The following IRAG1 variants were observed in gnomAD, a reference collection of about 807,000 sequenced individuals.
IRAG1 encodes inositol 1,4,5-triphosphate receptor associated 1, also known as IP3R-associated cGMP kinase substrate.
Under a neutral mutation model 106.2 loss-of-function variants are expected in IRAG1, and 62 were observed. The ratio of observed to expected loss-of-function variants is 0.58; its 90% CI spans 0.48 to 0.72. IRAG1 has a LOEUF of 0.72. Among genes scored for constraint, IRAG1 ranks in the 30% least tolerant of loss-of-function variants. The pLI, the probability that IRAG1 is intolerant of heterozygous loss-of-function variation, is 0.00. For missense variants in IRAG1, 1,064 were observed against 1,140.7 expected, an observed-to-expected ratio of 0.93 and a Z score of 0.97; for synonymous variants, 462 against 443.9, an observed-to-expected ratio of 1.04 and a Z score of -0.51.
At chr11:10,625,541 C>T (rs969537970) in intron 9 of IRAG1, among the ~76,000 whole-genome samples, 1 of 152,062 alleles carries the variant, frequency 6.6e-6, no homozygotes, top group Non-Finnish European at 1.5e-5. Context: ...GGCTTGGGGG[C>T]ATCACAAAGG....
intron 2 of IRAG1, 77 bp from the exon 3 acceptor site, chr11:10,634,148 T>A (rs1856954749): frequency 1.2e-6 from 1 of 815,604 alleles, no homozygotes; most frequent in African/African-American, 1.7e-5. Flanking sequence ...GAGCATTTAT[T>A]CTCACATCAT....
At position 10,665,490 on chromosome 11, in the gene IRAG1, CT is replaced by C. The variant is rs1859719287; in HGVS notation, c.68-13309del. ...TATGTTTGTTGAGTCAAATTTCAAC[CT>C]TCAAATGATTTTCAAACATCATTAC... On this transcript the variant is annotated intron_variant, in intron 1 of 20. Coordinates refer to ENST00000423302, the MANE Select transcript of IRAG1 (RefSeq NM_130385.4). This position sits in a 1 kb window ranked among gnomAD's most constrained non-coding sequence, Gnocchi z 4.2. Among the ~76,000 whole-genome samples, 1 of 152,226 alleles carries C rather than the reference CT, an allele frequency of 6.6e-6. No individual in the cohort carries two copies. Among genetic ancestry groups the C allele is most frequent in the South Asian group, 2.1e-4 (1 of 4,828 alleles).
intron 1 of IRAG1, chr11:10,687,454 C>A (rs1243302094): frequency 1.0e-5 from 2 of 200,442 alleles, no homozygotes; most frequent in Non-Finnish European, 2.0e-5. Context: ...CCAGTGGGCA[C>A]CCCCTAGGGC....
intron 18 of IRAG1, among the ~76,000 whole-genome samples, chr11:10,587,749 T>C (rs995071199): frequency 6.6e-6 from 1 of 152,164 alleles, no homozygotes; most frequent in Admixed American, 6.5e-5. Context: ...CCGACTCTGT[T>C]CTCCACTCCA....
Position 10,647,474 on chromosome 11 carries a change from C to G in IRAG1, c.225+4551G>C, listed in dbSNP as rs1432337953. Among the ~76,000 whole-genome samples, 1 of 152,056 alleles carries G rather than the reference C, an allele frequency of 6.6e-6. No homozygotes were observed. The highest frequency in any genetic ancestry group is 6.5e-5 in the Admixed American group (1 of 15,268). On this transcript the variant is annotated intron_variant, in intron 2 of 20. Transcript: ENST00000423302. The surrounding 1 kb of genome is among the most constrained non-coding windows in gnomAD (Gnocchi z 4.3). ...GGTAGGGGAACAGGGGAGGTGGTAGCTGGGTGCTGGAATGGGTGATATGAA... is the reference window on the plus strand; with the variant it reads ...GGTAGGGGAACAGGGGAGGTGGTAGGTGGGTGCTGGAATGGGTGATATGAA...
rs765900875 is a variant in IRAG1 at position 10,576,594 on chromosome 11, A to T, written c.2496-19T>A. On this transcript the variant is annotated intron_variant, in intron 20 of 20. Transcript: ENST00000423302. ...AAGTTTGCTGTCAATGAAAAAAAAT[A>T]TGCAGAGGCTTTAGTATACTGGGCA... 1 of 1,613,702 alleles carries T rather than the reference A, an allele frequency of 6.2e-7. No individual in the cohort carries two copies. Among genetic ancestry groups the T allele is most frequent in the Admixed American group, 1.7e-5 (1 of 60,028 alleles).
intron 1 of IRAG1, among the ~76,000 whole-genome samples, chr11:10,676,745 A>G (rs1860709994): frequency 6.6e-6 from 1 of 152,088 alleles, no homozygotes; most frequent in African/African-American, 2.4e-5. Context: ...TTGCCCTAGA[A>G]CTCTCAATGA....
intron 10 of IRAG1, among the ~76,000 whole-genome samples, chr11:10,610,504 A>G (rs551950387): frequency 6.6e-6 from 1 of 152,342 alleles, no homozygotes; most frequent in South Asian, 2.1e-4. Flanking sequence ...TCTCTTTTCC[A>G]TAAATCTTTC....
At chr11:10,601,168 G>C in intron 14 of IRAG1, 109 bp from the exon 15 acceptor site, 1 of 1,439,450 alleles carries the variant, frequency 6.9e-7, no homozygotes, top group East Asian at 2.3e-5. Context: ...AGGATACAGG[G>C]ACAAGACTCT....
At position 10,576,623 on chromosome 11, in the gene IRAG1, A is replaced by T. The variant is rs200203609; in HGVS notation, c.2496-48T>A. The T allele has an allele frequency of 5.6e-6, 9 of 1,608,364 alleles. No individual in the cohort carries two copies. In the Admixed American group the frequency reaches 1.2e-4, roughly 21 times the overall value. On this transcript the variant is annotated intron_variant, in intron 20 of 20. Transcript: ENST00000423302. The stretch of plus-strand genomic sequence containing the variant: ...AGAGGCTTTAGTATACTGGGCACAC[A>T]TATGATACACAGACCCACAGTTCTC...
rs539643583 is a variant in IRAG1, at chr11:10,604,359, G to A, written c.1743+46C>T. On this transcript the variant is annotated intron_variant, in intron 13 of 20. Transcript: ENST00000423302. ...CATGACACCCTGTATGGCCCTTGGGGACAGTCTCTGCTCCAGGGATTCCTC... is the reference window on the plus strand; with the variant it reads ...CATGACACCCTGTATGGCCCTTGGGAACAGTCTCTGCTCCAGGGATTCCTC... 5.0e-6 allele frequency: 8 copies of A among 1,611,582 alleles called. No individual in the cohort carries two copies. The Admixed American group carries it at 1.2e-4, about 24-fold the overall frequency.
At chr11:10,643,448 C>T (rs1646969670) in intron 2 of IRAG1, among the ~76,000 whole-genome samples, 1 of 152,224 alleles carries the variant, frequency 6.6e-6, no homozygotes, top group African/African-American at 2.4e-5. Flanking sequence ...TTCTAGAAGT[C>T]AGATATAAAG....
rs376271086 is a variant in IRAG1 at position 10,575,998 on chromosome 11, G to A, written c.*334C>T. ...CCTACCTCCTCCTCCCCCGTGCCCCGCTCCTTACCCCCAACCACCAGTGAA... is the reference window on the plus strand; with the variant it reads ...CCTACCTCCTCCTCCCCCGTGCCCCACTCCTTACCCCCAACCACCAGTGAA... On this transcript the variant is annotated 3_prime_UTR_variant, in exon 21 of 21. Coordinates refer to ENST00000423302, the MANE Select transcript of IRAG1 (RefSeq NM_130385.4). 10 of 279,912 alleles carry A rather than the reference G, an allele frequency of 3.6e-5. No homozygotes were observed. Among genetic ancestry groups the A allele is most frequent in the Admixed American group, 2.7e-4 (6 of 22,314 alleles). The allele number at this position is 279,912 out of a possible 1,614,324, so 17.3% of individuals were successfully genotyped here.
At chr11:10,577,043 A>G (rs938983333) in intron 20 of IRAG1, among the ~76,000 whole-genome samples, 3 of 152,142 alleles carry the variant, frequency 2.0e-5, no homozygotes, top group African/African-American at 4.8e-5. Context: ...TGCGTAATTC[A>G]TTGTTCTCAG....
At chr11:10,646,195 A>T (rs535963612) in intron 2 of IRAG1, among the ~76,000 whole-genome samples, 5 of 152,300 alleles carry the variant, frequency 3.3e-5, no homozygotes, top group African/African-American at 1.2e-4. Flanking sequence ...CAGCCCACTG[A>T]CTGAGGGTGT....
intron 4 of IRAG1, among the ~76,000 whole-genome samples, chr11:10,630,367 C>CT (rs55806146): frequency 0.025 from 3,609 of 143,158 alleles, 61 homozygotes; most frequent in Admixed American, 0.034. Flanking sequence ...CTCATTAGCT[C>CT]TTTTTTTTTT....
In IRAG1 at chr11:10,667,834, G is replaced by A. The variant is rs190333054; in HGVS notation, c.68-15652C>T. Among the ~76,000 whole-genome samples the A allele has an allele frequency of 1.7e-3, 257 of 152,294 alleles. 3 individuals carry two copies. The Middle Eastern group carries it at 0.017, about 10-fold the overall frequency. ...GACTGACTCAGAATATCTGGGAATA[G>A]GGCCTGGGAATCTGTATGGCTAAAA... On this transcript the variant is annotated intron_variant, in intron 1 of 20. Transcript: ENST00000423302.
chr11:10,652,777 G>A (rs1044515148), intron 1 of IRAG1, among the ~76,000 whole-genome samples: 1 of 152,124 alleles, frequency 6.6e-6, no homozygotes, highest in South Asian at 2.1e-4. Flanking sequence ...AGTAAGAGGT[G>A]CTGTTTCCTG....
chr11:10,604,080 CCA>C, intron 13 of IRAG1, among the ~76,000 whole-genome samples: 1 of 152,330 alleles, frequency 6.6e-6, no homozygotes, highest in African/African-American at 2.4e-5. Flanking sequence ...AGGGCCTGGG[CCA>C]CAGTTTCTTC....
Sources: gnomAD v4.1 joint callset for allele counts (sites outside exome capture counted in the v4.1 genomes callset) on GRCh38, gnomAD v4.1.1 for gene constraint, Gnocchi (gnomAD v3.1) non-coding constraint, MANE v1.5 for transcripts, NCBI Gene and HGNC (gene_info 2026-07-23, HGNC 2026-07-21) for gene names.